Variants in FHIT observed in about 807,000 individuals in gnomAD.
FHIT encodes the protein fragile histidine triad diadenosine triphosphatase, also known as bis(5'-adenosyl)-triphosphatase.
FHIT carries 19 observed loss-of-function variants against 17.9 expected under a neutral mutation model. The observed-to-expected ratio is 1.06, with a 90% CI of 0.74 to 1.56. FHIT has a LOEUF of 1.56. Ranked by LOEUF, FHIT falls within the 40% of genes most tolerant of loss-of-function variation. The pLI, the probability that FHIT is intolerant of heterozygous loss-of-function variation, is 0.00. For missense variants in FHIT, 248 were observed against 189.2 expected (o/e 1.31, Z -1.82); for synonymous variants, 81 against 69.7 (o/e 1.16, Z -0.81).
intron 5 of FHIT, among the ~76,000 whole-genome samples, chr3:60,176,307 G>A (rs1252532678): frequency 6.6e-6 from 1 of 152,088 alleles, no homozygotes; most frequent in East Asian, 1.9e-4. Context: ...AGCTGAGCTC[G>A]TACCACTGCA....
chr3:59,902,569 A>G lies in FHIT; in HGVS notation c.348+19777T>C, dbSNP rs1224887058. 9.9e-5 allele frequency among the ~76,000 whole-genome samples: 15 copies of G among 152,252 alleles called. 2 individuals are homozygous for G. In the South Asian group the frequency reaches 2.1e-3, roughly 21 times the overall value. ...AGTATCCACTGACAGATAAATACAG[A>G]CATGCGATGTATATATCAATAATGG... On this transcript the variant is annotated intron_variant, in intron 8 of 9. Coordinates refer to ENST00000492590, the MANE Select transcript of FHIT (RefSeq NM_002012.4).
intron 3 of FHIT, among the ~76,000 whole-genome samples, chr3:60,954,060 A>C (rs1215907163): frequency 6.6e-6 from 1 of 152,196 alleles, no homozygotes; most frequent in Non-Finnish European, 1.5e-5. Flanking sequence ...AGTCCAGTAC[A>C]TTTATTTATT....
At chr3:60,730,317 C>A in intron 4 of FHIT, 1 of 261,386 alleles carries the variant, frequency 3.8e-6, no homozygotes. Context: ...TTGTAGCCTC[C>A]CCAATATCAA....
At chr3:60,431,891 T>C (rs1234436190) in intron 5 of FHIT, among the ~76,000 whole-genome samples, 1 of 152,092 alleles carries the variant, frequency 6.6e-6, no homozygotes, top group African/African-American at 2.4e-5. Flanking sequence ...TGCATAGTTT[T>C]ATTAGAGGAA....
At chr3:59,756,736 G>A (rs771024266) in intron 8 of FHIT, among the ~76,000 whole-genome samples, 10 of 152,116 alleles carry the variant, frequency 6.6e-5, no homozygotes, top group Non-Finnish European at 1.5e-4. Context: ...AAAAAACAGA[G>A]GGGATCATGT....
At chr3:60,351,414 C>T (rs567022830) in intron 5 of FHIT, among the ~76,000 whole-genome samples, 1 of 152,240 alleles carries the variant, frequency 6.6e-6, no homozygotes, top group Admixed American at 6.5e-5. Flanking sequence ...TCTGGTGTAA[C>T]TTTATATGCA....
intron 3 of FHIT, among the ~76,000 whole-genome samples, chr3:61,029,291 G>A (rs1348672721): frequency 1.3e-5 from 2 of 152,198 alleles, no homozygotes; most frequent in African/African-American, 2.4e-5. Context: ...CTGGAAAAGA[G>A]CACATGATAA....
chr3:60,677,855 T>A (rs1354120069), intron 4 of FHIT, among the ~76,000 whole-genome samples: 1 of 152,200 alleles, frequency 6.6e-6, no homozygotes, highest in Non-Finnish European at 1.5e-5. Flanking sequence ...TCATTATTGG[T>A]CTGTTTAAGA....
chr3:59,971,603 GA>G (rs996409186), intron 7 of FHIT, among the ~76,000 whole-genome samples: 2 of 152,110 alleles, frequency 1.3e-5, no homozygotes, highest in African/African-American at 4.8e-5. Context: ...TTTCAACAGA[GA>G]AAGAGAATGC....
At chr3:60,623,269 A>T (rs2039185662) in intron 4 of FHIT, among the ~76,000 whole-genome samples, 1 of 152,196 alleles carries the variant, frequency 6.6e-6, no homozygotes, top group African/African-American at 2.4e-5. Context: ...CACTGCAAGC[A>T]CAAGATCTTG....
At chr3:60,632,630 C>T (rs1416339632) in intron 4 of FHIT, among the ~76,000 whole-genome samples, 1 of 152,118 alleles carries the variant, frequency 6.6e-6, no homozygotes, top group Non-Finnish European at 1.5e-5. Flanking sequence ...CGGAGATAAA[C>T]TTTCTAGAAC....
chr3:60,083,290 T>A (rs2107054830), intron 5 of FHIT, among the ~76,000 whole-genome samples: 1 of 152,126 alleles, frequency 6.6e-6, no homozygotes, highest in Non-Finnish European at 1.5e-5. Context: ...TATTTCTGGG[T>A]TTTTTATTCT....
In FHIT at chr3:60,680,560, A is replaced by ATTTTT. The variant is rs56306198; in HGVS notation, c.-18+141354_-18+141358dup. 8.6e-4 allele frequency among the ~76,000 whole-genome samples: 126 copies of ATTTTT among 145,858 alleles called. 3 individuals carry two copies. Among genetic ancestry groups the ATTTTT allele is most frequent in the African/African-American group, 3.1e-3 (123 of 39,848 alleles). ...TTTTAAAATCCAAATTTCATCATCT[A>ATTTTT]TTTTTTTTTTTTTGCCAATGTTCAT... On this transcript the variant is annotated intron_variant, in intron 4 of 9. Coordinates refer to ENST00000492590, the MANE Select transcript of FHIT (RefSeq NM_002012.4).
At chr3:60,073,893 C>A (rs1702892152) in intron 5 of FHIT, among the ~76,000 whole-genome samples, 1 of 152,108 alleles carries the variant, frequency 6.6e-6, no homozygotes, top group Non-Finnish European at 1.5e-5. Flanking sequence ...CGAAATAACC[C>A]TGTATTTCCC....
rs201630364 is a variant in FHIT at position 60,287,177 on chromosome 3, AT to A, written c.103+249682del. Among the ~76,000 whole-genome samples, 62 of 150,496 alleles carry A rather than the reference AT, an allele frequency of 4.1e-4. No individual in the cohort carries two copies. The East Asian group carries it at 0.011, about 27-fold the overall frequency. ...ATTATGAAGACAAAGTAAAATTTCC[AT>A]TTTTTTTTCAGACAGAGTCTTGCTC... On this transcript the variant is annotated intron_variant, in intron 5 of 9. Transcript: ENST00000492590.
chr3:61,164,787 G>A (rs1560033095), intron 2 of FHIT, among the ~76,000 whole-genome samples: 2 of 152,264 alleles, frequency 1.3e-5, no homozygotes. Context: ...TTCAACCCTT[G>A]CTTCCCTCCC....
intron 3 of FHIT, among the ~76,000 whole-genome samples, chr3:60,857,170 T>C (rs2106940017): frequency 6.6e-6 from 1 of 152,246 alleles, no homozygotes; most frequent in Non-Finnish European, 1.5e-5. Context: ...GTGGATGCCA[T>C]CTTGGGAGGG....
intron 5 of FHIT, among the ~76,000 whole-genome samples, chr3:60,323,970 A>G (rs148904182): frequency 1.5e-3 from 173 of 118,170 alleles, no homozygotes; most frequent in African/African-American, 6.1e-3. Flanking sequence ...AGCTTGCCAG[A>G]AACACCAAGG....
intron 4 of FHIT, among the ~76,000 whole-genome samples, chr3:60,738,471 G>C (rs1559683580): frequency 6.6e-6 from 1 of 152,158 alleles, no homozygotes; most frequent in Non-Finnish European, 1.5e-5. Context: ...CTTTCCATCA[G>C]CTCCAGGTAC....
Sources: gnomAD v4.1 joint callset for allele counts (sites outside exome capture counted in the v4.1 genomes callset) on GRCh38, gnomAD v4.1.1 for gene constraint, MANE v1.5 for transcripts, NCBI Gene and HGNC (gene_info 2026-07-23, HGNC 2026-07-21) for gene names.